KCNT1: variants seen among roughly 807,000 people sequenced by gnomAD.
The protein encoded by KCNT1 is potassium channel subfamily T member 1.
A neutral mutation model predicts 147.8 loss-of-function variants in KCNT1; 78 were observed. That is an observed-to-expected ratio of 0.53 (90% CI 0.44 to 0.64). The LOEUF (loss-of-function observed/expected upper bound fraction) is 0.64. KCNT1 is among the 30% of genes least tolerant of loss of function. The pLI, the probability that KCNT1 is intolerant of heterozygous loss-of-function variation, is 0.00. For synonymous variants in KCNT1, 867 were observed against 748.8 expected, an observed-to-expected ratio of 1.16 and a Z score of -2.58; for missense variants, 1,419 against 1,750.3, an observed-to-expected ratio of 0.81 and a Z score of 3.38.
At chr9:135,777,192 G>A (rs147813393) in intron 20 of KCNT1, 146 bp from the exon 21 acceptor site, 75 of 783,604 alleles carry the variant, frequency 9.6e-5, no homozygotes, top group Middle Eastern at 2.9e-4. Context: ...CCCCACAGGC[G>A]TGTGCAGGCC....
At chr9:135,766,319 T>C (rs1832280141) in intron 13 of KCNT1, among the ~76,000 whole-genome samples, 1 of 150,294 alleles carries the variant, frequency 6.7e-6, no homozygotes, top group Non-Finnish European at 1.5e-5. Flanking sequence ...GGGTGGGCTG[T>C]CTGGGGTGGG....
chr9:135,765,348 ACGCCATCCTCTCCCCAGGAC>A (rs1488157702), intron 12 of KCNT1, among the ~76,000 whole-genome samples, 153 bp downstream of exon 12: 7 of 134,286 alleles, frequency 5.2e-5, no homozygotes, highest in East Asian at 4.1e-4. Context: ...GCGCCCAGAG[ACGCCATCCTCTCCCCAGGAC>A]TGCCATCCTC....
chr9:135,769,094 G>T (rs1588355511), intron 15 of KCNT1, among the ~76,000 whole-genome samples, 157 bp downstream of exon 15: 1 of 146,008 alleles, frequency 6.8e-6, no homozygotes, highest in Non-Finnish European at 1.5e-5. Context: ...TGCGTCTGGG[G>T]CAGGATGCGT....
At chr9:135,705,298 G>C (rs944437766) in intron 1 of KCNT1, among the ~76,000 whole-genome samples, 5 of 152,206 alleles carry the variant, frequency 3.3e-5, no homozygotes, top group Non-Finnish European at 7.3e-5. Context: ...TGGCACTTCT[G>C]TGTCTCCCAC....
intron 2 of KCNT1, among the ~76,000 whole-genome samples, chr9:135,718,070 G>A (rs984083369): frequency 4.6e-5 from 7 of 152,242 alleles, no homozygotes; most frequent in Admixed American, 3.3e-4. Context: ...ACCTGGAGGA[G>A]GGGATCAGCC....
chr9:135,727,984 G>T (rs1836287435), intron 2 of KCNT1, among the ~76,000 whole-genome samples: 2 of 152,266 alleles, frequency 1.3e-5, no homozygotes, highest in South Asian at 4.1e-4. Flanking sequence ...GGGCGGCAAA[G>T]AGGGTTAAAA....
At chr9:135,761,250 T>C (rs1270521785) in intron 11 of KCNT1, among the ~76,000 whole-genome samples, 1 of 152,214 alleles carries the variant, frequency 6.6e-6, no homozygotes, top group Non-Finnish European at 1.5e-5. Flanking sequence ...CTTCCTATTT[T>C]CTTCTAAAAG....
Position 135,779,375 on chromosome 9 carries a change from A to G in KCNT1, c.2746A>G (p.Ser916Gly). 1 of 1,613,224 alleles carries G rather than the reference A, an allele frequency of 6.2e-7. No individual in the cohort carries two copies. The highest frequency in any genetic ancestry group is 8.5e-7 in the Non-Finnish European group (1 of 1,179,698). ...CTCCCCCAGGCTCTTCCCCAGCCTC[A>G]GCATCACCACGGAGCTCACCCACCC... is the stretch of plus-strand genomic sequence containing the variant. ...QTMFRLFPSL[S>G]ITTELTHPSN... The change falls in exon 24 of 31, where the codon AGC (serine) becomes GGC (glycine). Residue 916 changes from serine (S) to glycine (G), a missense_variant. Ser to Gly is a moderately conservative substitution (Grantham distance 56, BLOSUM62 0). This residue lies in a region of KCNT1 where 247 missense variants were observed against 397.1 expected (regional missense o/e 0.62). Transcript: ENST00000371757.
intron 2 of KCNT1, among the ~76,000 whole-genome samples, chr9:135,724,529 T>C (rs974682679): frequency 6.6e-6 from 1 of 152,238 alleles, no homozygotes; most frequent in African/African-American, 2.4e-5. Context: ...CATTCATTCA[T>C]TCAGTCATGC....
intron 13 of KCNT1, among the ~76,000 whole-genome samples, chr9:135,766,042 A>AGGGTGGACCATCCAGGGTGGACCATCTG (rs1286992585): frequency 1.4e-5 from 2 of 147,240 alleles, no homozygotes; most frequent in African/African-American, 5.1e-5. Flanking sequence ...TGAACTGTCA[A>AGGGTGGACCATCCAGGGTGGACCATCTG]GGGTGGACCA....
At chr9:135,786,872 G>T (rs1234569175) in intron 29 of KCNT1, among the ~76,000 whole-genome samples, 1 of 152,260 alleles carries the variant, frequency 6.6e-6, no homozygotes, top group African/African-American at 2.4e-5. Flanking sequence ...TTAGAGACAG[G>T]AGCTGGCTGA....
At chr9:135,755,031 G>A in intron 5 of KCNT1, 90 bp from the exon 6 acceptor site, 1 of 1,209,244 alleles carries the variant, frequency 8.3e-7, no homozygotes, top group South Asian at 1.6e-5. Flanking sequence ...GGGGCCAGTG[G>A]AGGCCAATGG....
At chr9:135,739,398 C>T (rs1321321470) in intron 2 of KCNT1, among the ~76,000 whole-genome samples, 1 of 152,000 alleles carries the variant, frequency 6.6e-6, no homozygotes, top group Non-Finnish European at 1.5e-5. Flanking sequence ...CCCCAAGCCC[C>T]TCGCCCTGAT....
intron 29 of KCNT1, chr9:135,788,026 G>GCCGC (rs937466930): frequency 8.1e-5 from 97 of 1,196,344 alleles, no homozygotes; most frequent in Non-Finnish European, 1.0e-4. Flanking sequence ...CACTGTGCCG[G>GCCGC]CCGCCCGCAC....
chr9:135,762,264 A>G (rs1348493312), intron 11 of KCNT1, among the ~76,000 whole-genome samples: 1 of 152,206 alleles, frequency 6.6e-6, no homozygotes, highest in Non-Finnish European at 1.5e-5. Flanking sequence ...AGCAACGTAG[A>G]GAGACTCCCA....
chr9:135,745,625 G>C (rs1434326451), intron 2 of KCNT1, among the ~76,000 whole-genome samples: 1 of 152,258 alleles, frequency 6.6e-6, no homozygotes, highest in Non-Finnish European at 1.5e-5. Context: ...GGACACAGAG[G>C]CCATTGTTTC....
At chr9:135,727,487 C>T (rs564894881) in intron 2 of KCNT1, among the ~76,000 whole-genome samples, 66 of 151,486 alleles carry the variant, frequency 4.4e-4, no homozygotes, top group Non-Finnish European at 7.2e-4. Flanking sequence ...TGTCAGTTTC[C>T]CCACTCTCTG....
intron 19 of KCNT1, among the ~76,000 whole-genome samples, chr9:135,773,832 C>T (rs894235079): frequency 6.6e-6 from 1 of 152,196 alleles, no homozygotes; most frequent in Non-Finnish European, 1.5e-5. Flanking sequence ...GGACAACAGC[C>T]TGGCTGGACA....
intron 2 of KCNT1, among the ~76,000 whole-genome samples, chr9:135,734,343 GC>G (rs1830247336): frequency 6.6e-6 from 1 of 152,222 alleles, no homozygotes. Context: ...CCGTCCTGGT[GC>G]CCTGAGGCCA....
Sources: gnomAD v4.1 joint callset for allele counts (sites outside exome capture counted in the v4.1 genomes callset) on GRCh38, gnomAD v4.1.1 for gene constraint, gnomAD v4.1.1 regional missense constraint, MANE v1.5 for transcripts, NCBI Gene and HGNC (gene_info 2026-07-23, HGNC 2026-07-21) for gene names.